ROBO2: variants seen among roughly 807,000 people sequenced by gnomAD.
The protein encoded by ROBO2 is roundabout homolog 2.
A neutral mutation model predicts 160.8 loss-of-function variants in ROBO2; 53 were observed. The ratio of observed to expected loss-of-function variants is 0.33; its 90% CI spans 0.26 to 0.41. The LOEUF (loss-of-function observed/expected upper bound fraction) is 0.41, where lower values mean the gene tolerates loss of function less well. ROBO2 is among the 10% of genes least tolerant of loss of function. ROBO2 has a pLI of 1.00. For synonymous variants in ROBO2, 664 were observed against 611.7 expected, an observed-to-expected ratio of 1.09 and a Z score of -1.26; for missense variants, 1,577 against 1,722.4, an observed-to-expected ratio of 0.92 and a Z score of 1.49.
At chr3:77,166,593 C>G (rs906175322) in intron 2 of ROBO2, among the ~76,000 whole-genome samples, 2 of 152,164 alleles carry the variant, frequency 1.3e-5, no homozygotes, top group South Asian at 2.1e-4. Flanking sequence ...GAGTCTCACT[C>G]TGTCGCCCAG....
chr3:77,532,204 A>G (rs1171894771), intron 6 of ROBO2, among the ~76,000 whole-genome samples: 1 of 148,658 alleles, frequency 6.7e-6, no homozygotes, highest in African/African-American at 2.5e-5. Context: ...AATTACTCTC[A>G]CACTTCTTTC....
At position 75,988,807 on chromosome 3, in the gene ROBO2, T is replaced by C. The variant is rs1411516046; in HGVS notation, c.109+51205T>C. On this transcript the variant is annotated intron_variant, in intron 2 of 26. Transcript: ENST00000487694. ...TTTCAAGTTCTCCCTCTGTTACTGA[T>C]TTTTAACTTCATCCTGTGGTTGCTG... Among the ~76,000 whole-genome samples the C allele has an allele frequency of 3.9e-5, 6 of 152,126 alleles. No homozygotes were observed. The South Asian group carries it at 8.3e-4, about 21-fold the overall frequency.
intron 2 of ROBO2, among the ~76,000 whole-genome samples, chr3:77,197,708 T>G (rs903267078): frequency 3.3e-5 from 5 of 152,238 alleles, no homozygotes; most frequent in Non-Finnish European, 7.3e-5. Context: ...ATCCATGTTC[T>G]AATTCCCAGA....
intron 2 of ROBO2, among the ~76,000 whole-genome samples, chr3:77,249,693 A>G (rs1330170655): frequency 6.6e-6 from 1 of 152,156 alleles, no homozygotes; most frequent in African/African-American, 2.4e-5. Flanking sequence ...CTAGTTATAT[A>G]TTTGCTAACT....
intron 2 of ROBO2, among the ~76,000 whole-genome samples, chr3:76,856,748 C>T (rs1180829668): frequency 6.6e-6 from 1 of 152,036 alleles, no homozygotes; most frequent in Non-Finnish European, 1.5e-5. Flanking sequence ...TACTGGCTAT[C>T]TATTGGCTTG....
In ROBO2 at chr3:76,836,742, G is replaced by A. The variant is rs540317161; in HGVS notation, c.110-261272G>A. ...TTTTATTTTAATGCCATTATAGTCA[G>A]AAAAAATATTTTGTAAGTCCTCAAT... On this transcript the variant is annotated intron_variant, in intron 2 of 26. Transcript: ENST00000487694. 6.6e-5 allele frequency among the ~76,000 whole-genome samples: 10 copies of A among 151,638 alleles called. 1 individual carries two copies. In the South Asian group the frequency reaches 2.1e-3, roughly 31 times the overall value.
intron 1 of ROBO2, among the ~76,000 whole-genome samples, chr3:77,070,673 A>G (rs1363652556): frequency 1.3e-5 from 2 of 152,196 alleles, no homozygotes; most frequent in African/African-American, 4.8e-5. Flanking sequence ...TAAAGGAGGC[A>G]TGGAATGGGA....
chr3:76,662,293 C>A (rs2110064683), intron 2 of ROBO2, among the ~76,000 whole-genome samples: 1 of 152,156 alleles, frequency 6.6e-6, no homozygotes, highest in East Asian at 1.9e-4. Context: ...AGTCAACTGA[C>A]CATGTTACCA....
intron 2 of ROBO2, among the ~76,000 whole-genome samples, chr3:75,999,321 C>G (rs931363589): frequency 6.6e-6 from 1 of 152,114 alleles, no homozygotes; most frequent in Non-Finnish European, 1.5e-5. Context: ...AGAATCTCTA[C>G]AAGTCCAAGG....
chr3:76,986,150 C>T (rs2060366432), intron 2 of ROBO2, among the ~76,000 whole-genome samples: 1 of 152,060 alleles, frequency 6.6e-6, no homozygotes, highest in African/African-American at 2.4e-5. Flanking sequence ...TGCACTGTTT[C>T]TTAATTAATC....
At chr3:76,702,600 T>C (rs2093069872) in intron 2 of ROBO2, among the ~76,000 whole-genome samples, 1 of 151,948 alleles carries the variant, frequency 6.6e-6, no homozygotes, top group Non-Finnish European at 1.5e-5. Context: ...GATTTAAAAA[T>C]CCTGAATCCA....
intron 2 of ROBO2, among the ~76,000 whole-genome samples, chr3:76,143,698 A>G (rs2071771795): frequency 6.6e-6 from 1 of 152,102 alleles, no homozygotes; most frequent in Non-Finnish European, 1.5e-5. Flanking sequence ...GAGAAACAGA[A>G]CCAATAATAT....
chr3:77,164,552 G>A (rs1292675471), intron 2 of ROBO2, among the ~76,000 whole-genome samples: 17 of 142,360 alleles, frequency 1.2e-4, no homozygotes, highest in African/African-American at 3.6e-4. Flanking sequence ...TCAGACCCCC[G>A]CCCGGCCAGC....
intron 2 of ROBO2, among the ~76,000 whole-genome samples, chr3:77,336,508 C>T (rs2066510922): frequency 1.3e-5 from 2 of 151,742 alleles, no homozygotes; most frequent in Non-Finnish European, 1.5e-5. Context: ...TCTCCTCTTC[C>T]TCTTTCTTTT....
chr3:77,037,379 A>G (rs1447121266), upstream of ROBO2, among the ~76,000 whole-genome samples: 3 of 152,204 alleles, frequency 2.0e-5, no homozygotes, highest in Non-Finnish European at 4.4e-5. Flanking sequence ...CCACAACAAC[A>G]AAAGCCATTT....
chr3:77,206,157 C>G (rs1295512940), intron 2 of ROBO2, among the ~76,000 whole-genome samples: 2 of 151,972 alleles, frequency 1.3e-5, no homozygotes. Context: ...CTCTCTCTCT[C>G]TCTGTTTTTT....
At chr3:76,973,844 A>G (rs1043917382) in intron 2 of ROBO2, among the ~76,000 whole-genome samples, 1 of 152,186 alleles carries the variant, frequency 6.6e-6, no homozygotes, top group African/African-American at 2.4e-5. Flanking sequence ...CACAGTAGAC[A>G]ATATCACCTT....
chr3:77,373,242 A>C (rs1025123990), intron 2 of ROBO2, among the ~76,000 whole-genome samples: 6 of 149,802 alleles, frequency 4.0e-5, no homozygotes, highest in Non-Finnish European at 1.5e-5. Flanking sequence ...AAAGCAAGAC[A>C]TGTGGAAGTA....
At chr3:76,410,370 G>C (rs2075426605) in intron 2 of ROBO2, among the ~76,000 whole-genome samples, 1 of 152,052 alleles carries the variant, frequency 6.6e-6, no homozygotes, top group Non-Finnish European at 1.5e-5. Flanking sequence ...AAACAATGAA[G>C]ATTATGAGTA....
Sources: gnomAD v4.1 joint callset for allele counts (sites outside exome capture counted in the v4.1 genomes callset) on GRCh38, gnomAD v4.1.1 for gene constraint, MANE v1.5 for transcripts, NCBI Gene and HGNC (gene_info 2026-07-23, HGNC 2026-07-21) for gene names.